Variants in TLL1 observed in about 807,000 individuals in gnomAD.
TLL1 encodes tolloid like 1.
Under a neutral mutation model 128.2 loss-of-function variants are expected in TLL1, and 49 were observed. That is an observed-to-expected ratio of 0.38 (90% confidence interval 0.30 to 0.48). The LOEUF (loss-of-function observed/expected upper bound fraction) is 0.48. TLL1 is among the 20% of genes least tolerant of loss of function. The probability of loss-of-function intolerance (pLI) is 0.96; values close to 1 mark genes in which losing one functional copy is unlikely to be tolerated. For synonymous variants in TLL1, 454 were observed against 418.8 expected, an observed-to-expected ratio of 1.08 and a Z score of -1.03; for missense variants, 1,123 against 1,242.0, an observed-to-expected ratio of 0.90 and a Z score of 1.44.
chr4:165,975,744 A>C (rs1056534455), intron 1 of TLL1, among the ~76,000 whole-genome samples: 1 of 152,122 alleles, frequency 6.6e-6, no homozygotes, highest in Non-Finnish European at 1.5e-5. Context: ...GCCTCTTTAG[A>C]AGTTGTAAGA....
chr4:165,908,342 C>T (rs1456468162), intron 1 of TLL1, among the ~76,000 whole-genome samples: 1 of 152,076 alleles, frequency 6.6e-6, no homozygotes. Context: ...GTCATCCCAG[C>T]ACTTTGGGAG....
At chr4:166,016,982 C>T (rs1014230859) in intron 8 of TLL1, among the ~76,000 whole-genome samples, 7 of 151,524 alleles carry the variant, frequency 4.6e-5, no homozygotes, top group East Asian at 3.9e-4. Context: ...AGGCTTGTTA[C>T]GTGGGAATGT....
intron 19 of TLL1, among the ~76,000 whole-genome samples, chr4:166,092,812 T>A (rs1234950799): frequency 6.6e-6 from 1 of 152,162 alleles, no homozygotes; most frequent in Non-Finnish European, 1.5e-5. Flanking sequence ...TTCCATTATG[T>A]CCCAGTGTGT....
chr4:166,009,985 C>T (rs1247136878), intron 7 of TLL1, among the ~76,000 whole-genome samples: 1 of 151,288 alleles, frequency 6.6e-6, no homozygotes, highest in Admixed American at 6.6e-5. Flanking sequence ...TCTTTTCTAC[C>T]TCTTCTCAGC....
chr4:165,973,937 A>G (rs1735748132), intron 1 of TLL1, among the ~76,000 whole-genome samples: 1 of 152,014 alleles, frequency 6.6e-6, no homozygotes, highest in Non-Finnish European at 1.5e-5. Context: ...AAGTGCTGGG[A>G]TTACAGGCAT....
intron 8 of TLL1, among the ~76,000 whole-genome samples, chr4:166,023,369 C>G (rs1442405319): frequency 6.6e-6 from 1 of 152,098 alleles, no homozygotes; most frequent in East Asian, 1.9e-4. Flanking sequence ...CACTGCACTC[C>G]AGCCTGGGTG....
chr4:166,041,598 C>T (rs902448964), intron 10 of TLL1, among the ~76,000 whole-genome samples: 2 of 152,086 alleles, frequency 1.3e-5, no homozygotes, highest in Admixed American at 6.6e-5. Context: ...TGTGCCTGGC[C>T]GAGAGCACAT....
intron 6 of TLL1, among the ~76,000 whole-genome samples, chr4:166,004,645 G>A (rs577464254): frequency 2.6e-4 from 39 of 152,120 alleles, no homozygotes; most frequent in Non-Finnish European, 4.4e-4. Context: ...TATTTCAGGC[G>A]GACAGAAGAG....
At chr4:165,916,203 C>A (rs919522087) in intron 1 of TLL1, among the ~76,000 whole-genome samples, 12 of 152,062 alleles carry the variant, frequency 7.9e-5, no homozygotes, top group Non-Finnish European at 1.8e-4. Context: ...GTAGAGGGAC[C>A]CACTGAGGGT....
In TLL1 at chr4:166,062,438, C is replaced by T. The variant is rs1445511618; in HGVS notation, c.2007+2250C>T. Among the ~76,000 whole-genome samples, 7 of 152,112 alleles carry T rather than the reference C, an allele frequency of 4.6e-5. No individual in the cohort carries two copies. The South Asian group carries it at 1.2e-3, about 27-fold the overall frequency. On this transcript the variant is annotated intron_variant, in intron 15 of 20. Coordinates refer to ENST00000061240, the MANE Select transcript of TLL1 (RefSeq NM_012464.5). ...CTCCTTGAAGAGGTCCTTCACATCCCTCGTAAGTTGTATTCCAAGGTATTT... is the reference window on the plus strand; with the variant it reads ...CTCCTTGAAGAGGTCCTTCACATCCTTCGTAAGTTGTATTCCAAGGTATTT...
Position 166,027,680 on chromosome 4 carries a change from A to T in TLL1, c.1158+2249A>T, listed in dbSNP as rs533142262. On this transcript the variant is annotated intron_variant, in intron 9 of 20. Transcript: ENST00000061240. ...AGGTCATTCTTACTACAACACTGAA[A>T]AGTGAACTTTAAAAGATACAAATTT... Among the ~76,000 whole-genome samples the T allele has an allele frequency of 5.9e-5, 9 of 152,332 alleles. No homozygotes were observed. In the South Asian group the frequency reaches 1.9e-3, roughly 32 times the overall value.
chr4:166,045,807 T>C (rs1739439634), intron 12 of TLL1, among the ~76,000 whole-genome samples: 1 of 152,168 alleles, frequency 6.6e-6, no homozygotes, highest in Non-Finnish European at 1.5e-5. Flanking sequence ...GATGTTCCGC[T>C]GCCTCAGATC....
At chr4:166,100,013 C>T (rs1469566458) in intron 20 of TLL1, among the ~76,000 whole-genome samples, 1 of 152,114 alleles carries the variant, frequency 6.6e-6, no homozygotes, top group East Asian at 1.9e-4. Flanking sequence ...AGACACTGTT[C>T]CATTGCAGAG....
At chr4:165,949,060 G>A (rs545231833) in intron 1 of TLL1, among the ~76,000 whole-genome samples, 39 of 152,096 alleles carry the variant, frequency 2.6e-4, no homozygotes, top group East Asian at 1.9e-4. Context: ...TGGACCTACT[G>A]TAATTAAATG....
chr4:166,025,224 T>C, intron 8 of TLL1, 92 bp from the exon 9 acceptor site: 1 of 881,922 alleles, frequency 1.1e-6, no homozygotes, highest in Non-Finnish European at 1.9e-6. Flanking sequence ...TAGTCTTGTC[T>C]ACTACCAAAA....
intron 12 of TLL1, among the ~76,000 whole-genome samples, chr4:166,053,890 G>A (rs561550190): frequency 1.3e-5 from 2 of 152,118 alleles, no homozygotes; most frequent in East Asian, 3.9e-4. Flanking sequence ...GAAGACTTTA[G>A]TTCTAGTGGT....
Position 166,100,994 on chromosome 4 carries a change from C to A in TLL1, c.*118C>A. On this transcript the variant is annotated 3_prime_UTR_variant, in exon 21 of 21. Coordinates refer to ENST00000061240, the MANE Select transcript of TLL1 (RefSeq NM_012464.5). Reference sequence around the variant, plus strand: ...TACAAAGAGTTTGAACAAAAAATCCCTGTAAGACCAGAATTATCTTTGTAC... The same window carrying A: ...TACAAAGAGTTTGAACAAAAAATCCATGTAAGACCAGAATTATCTTTGTAC... 7.7e-7 allele frequency: 1 copy of A among 1,297,074 alleles called. No individual in the cohort carries two copies. Among genetic ancestry groups the A allele is most frequent in the Non-Finnish European group, 1.1e-6 (1 of 933,118 alleles). The allele number at this position is 1,297,074 out of a possible 1,614,324, so 80.3% of individuals were successfully genotyped here. A position where few individuals can be genotyped will look rare whatever the true frequency, so the allele number is the denominator to read the frequency against.
chr4:165,962,938 C>G (rs143508378), intron 1 of TLL1, among the ~76,000 whole-genome samples: 1 of 150,688 alleles, frequency 6.6e-6, no homozygotes, highest in African/African-American at 2.4e-5. Context: ...GCCTGTAATC[C>G]CAGCTACTAG....
Position 166,065,693 on chromosome 4 carries a change from A to G in TLL1, c.2018A>G (p.Tyr673Cys). ...FELEGNEVCK[Y>C]DYVEIWSGLS... Reference sequence around the variant, plus strand: ...CACATTTTTTTCTAGGTTTGCAAATATGATTATGTGGAGATCTGGAGTGGT... The same window carrying G: ...CACATTTTTTTCTAGGTTTGCAAATGTGATTATGTGGAGATCTGGAGTGGT... Residue 673 changes from tyrosine (Y) to cysteine (C), a missense_variant, in exon 16 of 21, where the codon TAT becomes TGT. Around this residue, in one of 3 missense-constraint regions of TLL1, gnomAD observed 634 missense variants for 672.4 expected, o/e 0.94. Coordinates refer to ENST00000061240, the MANE Select transcript of TLL1 (RefSeq NM_012464.5). 1 of 1,612,958 alleles carries G rather than the reference A, an allele frequency of 6.2e-7. No individual in the cohort carries two copies. Among genetic ancestry groups the G allele is most frequent in the Non-Finnish European group, 8.5e-7 (1 of 1,179,222 alleles).
Sources: allele counts gnomAD v4.1 joint callset (sites outside exome capture counted in the v4.1 genomes callset), GRCh38; gene constraint gnomAD v4.1.1; regional missense constraint gnomAD v4.1.1; transcripts MANE v1.5; gene names NCBI Gene and HGNC (gene_info 2026-07-23, HGNC 2026-07-21).